TAP2: variants seen among roughly 807,000 people sequenced by gnomAD.
TAP2 encodes the protein antigen peptide transporter 2.
Under a neutral mutation model 74.7 loss-of-function variants are expected in TAP2, and 49 were observed. The observed-to-expected ratio is 0.66, with a 90% CI of 0.52 to 0.83. The LOEUF is 0.83. TAP2 is among the 40% of genes least tolerant of loss of function. TAP2 has a pLI of 0.00. For synonymous variants in TAP2, 306 were observed against 368.4 expected, an observed-to-expected ratio of 0.83 and a Z score of 1.94; for missense variants, 739 against 859.0, an observed-to-expected ratio of 0.86 and a Z score of 1.75.
chr6:32,828,618 C>T lies in TAP2; in HGVS notation c.*288G>A, dbSNP rs1344071667. 4 of 1,142,126 alleles carry T rather than the reference C, an allele frequency of 3.5e-6. No homozygotes were observed. Among genetic ancestry groups the T allele is most frequent in the Non-Finnish European group, 4.3e-6 (4 of 927,420 alleles). The allele number at this position is 1,142,126 out of a possible 1,614,324, so 70.7% of individuals were successfully genotyped here. A position where few individuals can be genotyped will look rare whatever the true frequency, so the allele number is the denominator to read the frequency against. On this transcript the variant is annotated 3_prime_UTR_variant, in exon 12 of 12. Transcript: ENST00000374897. ...TATATGTATTATGCCACAAAATACT[C>T]CTCATCACCAGGCAAAGCTCTAGTC...
At chr6:32,836,099 G>A (rs9500917) in intron 3 of TAP2, among the ~76,000 whole-genome samples, 1,630 of 152,288 alleles carry the variant, frequency 0.011, 28 homozygotes, top group African/African-American at 0.03. Context: ...GTGAAAACAA[G>A]TATCCCAGTG....
downstream of TAP2, chr6:32,822,380 A>G: frequency 9.2e-7 from 1 of 1,090,234 alleles, no homozygotes. Context: ...TCTGTGCTAG[A>G]ATCTGTTTGC....
intron 10 of TAP2, 112 bp downstream of exon 10, chr6:32,829,818 G>C: frequency 7.1e-7 from 1 of 1,410,486 alleles, no homozygotes; most frequent in Non-Finnish European, 1.0e-6. Flanking sequence ...ATGGAGGAAA[G>C]GGCAGAGGAA....
In TAP2 at chr6:32,828,675, G is replaced by GCCTCCACCCCCCCCCCCCCCCC; in HGVS notation, c.*230_*231insGGGGGGGGGGGGGGGGTGGAGG. Reference sequence around the variant, plus strand: ...GAATTAAGTTTCCTGGACACAGACAGCCCCCACCCCACCCCACCCCACCTC... The same window carrying GCCTCCACCCCCCCCCCCCCCCC: ...GAATTAAGTTTCCTGGACACAGACAGCCTCCACCCCCCCCCCCCCCCCCCCCCACCCCACCCCACCCCACCTC... On this transcript the variant is annotated 3_prime_UTR_variant, in exon 12 of 12. Coordinates refer to ENST00000374897, the MANE Select transcript of TAP2 (RefSeq NM_001290043.2). The GCCTCCACCCCCCCCCCCCCCCC allele has an allele frequency of 1.1e-6, 1 of 884,284 alleles. No individual in the cohort carries two copies. Among genetic ancestry groups the GCCTCCACCCCCCCCCCCCCCCC allele is most frequent in the Non-Finnish European group, 1.4e-6 (1 of 735,244 alleles). The allele number at this position is 884,284 out of a possible 1,614,324, so 54.8% of individuals were successfully genotyped here. A position where few individuals can be genotyped will look rare whatever the true frequency, so the allele number is the denominator to read the frequency against.
chr6:32,832,675 C>G lies in TAP2; in HGVS notation c.1095G>C (p.Leu365=). 2 of 1,613,124 alleles carry G rather than the reference C, an allele frequency of 1.2e-6. No individual in the cohort carries two copies. Among genetic ancestry groups the G allele is most frequent in the Non-Finnish European group, 1.7e-6 (2 of 1,180,040 alleles). Residue 365 remains leucine, a synonymous_variant, in exon 6 of 12, where the codon CTG becomes CTC. Coordinates refer to ENST00000374897, the MANE Select transcript of TAP2 (RefSeq NM_001290043.2). The surrounding 1 kb of genome is among the most constrained non-coding windows in gnomAD (Gnocchi z 5.9). ...CGCGTTCCAGGTCTCTCCGCCAATACAGCTGCCGACATTGTTCAAGGGCCT... is the reference window on the plus strand; with the variant it reads ...CGCGTTCCAGGTCTCTCCGCCAATAGAGCTGCCGACATTGTTCAAGGGCCT... The part of the protein sequence containing the change: ...YKEALEQCRQ[L]YWRRDLERAL...
chr6:32,836,302 C>T (rs1282597942), intron 3 of TAP2, among the ~76,000 whole-genome samples: 1 of 152,152 alleles, frequency 6.6e-6, no homozygotes, highest in African/African-American at 2.4e-5. Context: ...TTTCATCCTT[C>T]GAGTTGGAAA....
At chr6:32,830,887 C>G in intron 7 of TAP2, 81 bp from the exon 8 acceptor site, 1 of 1,163,490 alleles carries the variant, frequency 8.6e-7, no homozygotes. Flanking sequence ...ACACACTCCA[C>G]TCACAACTGC....
rs915202729 is a variant in TAP2 at position 32,826,619 on chromosome 6, G to A, written c.*2287C>T. The stretch of plus-strand genomic sequence containing the variant: ...TAAAGCCTACCTGGGAGTTTCCCCT[G>A]AGATAAGAAACTTTCAGGACATCTT... On this transcript the variant is annotated 3_prime_UTR_variant, in exon 12 of 12. Coordinates refer to ENST00000374897, the MANE Select transcript of TAP2 (RefSeq NM_001290043.2). 6.1e-6 allele frequency: 6 copies of A among 985,384 alleles called. No individual in the cohort carries two copies. The highest frequency in any genetic ancestry group is 7.2e-6 in the Non-Finnish European group (6 of 829,924). The allele number at this position is 985,384 out of a possible 1,614,324, so 61.0% of individuals were successfully genotyped here.
chr6:32,822,053 T>C (rs1341431169), downstream of TAP2: 10 of 537,084 alleles, frequency 1.9e-5, no homozygotes, highest in Non-Finnish European at 1.3e-5. Flanking sequence ...CTAGTGAGAA[T>C]CCATTTGGAA....
Position 32,828,770 on chromosome 6 carries a change from C to T in TAP2, c.*136G>A, listed in dbSNP as rs556799756. ...TGCAACTCAGGAACAGCTATCTGGC[C>T]GCACAGCTCTAGGGAAACTCAAAGC... On this transcript the variant is annotated 3_prime_UTR_variant, in exon 12 of 12. Coordinates refer to ENST00000374897, the MANE Select transcript of TAP2 (RefSeq NM_001290043.2). 1.8e-5 allele frequency: 22 copies of T among 1,234,054 alleles called. No individual in the cohort carries two copies. The highest frequency in any genetic ancestry group is 3.3e-5 in the Admixed American group (1 of 30,634). 76.4% of individuals were successfully genotyped at this position (1,234,054 alleles called of 1,614,324 possible). A position where few individuals can be genotyped will look rare whatever the true frequency, so the allele number is the denominator to read the frequency against.
downstream of TAP2, among the ~76,000 whole-genome samples, chr6:32,823,609 G>A (rs925996191): frequency 6.6e-6 from 1 of 151,450 alleles, no homozygotes; most frequent in African/African-American, 2.4e-5. Context: ...GGTGTCTTTT[G>A]CATATTGCAA....
At chr6:32,831,243 G>A (rs1262527931) in intron 7 of TAP2, among the ~76,000 whole-genome samples, 1 of 152,222 alleles carries the variant, frequency 6.6e-6, no homozygotes, top group African/African-American at 2.4e-5. Context: ...CCTGGATGAA[G>A]TAGCTGTTTT....
rs1389086420 is a variant in TAP2, at chr6:32,829,980, G to A, written c.1745C>T (p.Ala582Val). The change falls in exon 10 of 12, where the codon GCT (alanine) becomes GTT (valine). Residue 582 changes from alanine (A) to valine (V), a missense_variant. Physicochemically the swap from Ala to Val is moderately conservative, Grantham distance 64 (BLOSUM62 0). Transcript: ENST00000374897. ...CTGGATGAAGTCATCTGCGTGGGCA[G>A]CCTGGGCAGCCGCCATCACCTTATC... ...EDDKVMAAAQ[A>V]AHADDFIQEM... The A allele has an allele frequency of 6.2e-7, 1 of 1,613,092 alleles. No individual in the cohort carries two copies. The highest frequency in any genetic ancestry group is 8.5e-7 in the Non-Finnish European group (1 of 1,180,018).
intron 11 of TAP2, 88 bp downstream of exon 11, chr6:32,829,312 T>A (rs938557305): frequency 1.2e-5 from 19 of 1,540,502 alleles, no homozygotes; most frequent in Non-Finnish European, 1.7e-5. Flanking sequence ...AGGTCCTTCG[T>A]CCTCCCTCTG....
At chr6:32,837,432 AT>A in intron 3 of TAP2, 104 bp downstream of exon 3, 1 of 874,536 alleles carries the variant, frequency 1.1e-6, no homozygotes, top group Non-Finnish European at 1.9e-6. Flanking sequence ...TAGTTTAAGT[AT>A]TTTTGTGTTT....
In TAP2 at chr6:32,835,953, C is replaced by T. The variant is rs1392108782; in HGVS notation, c.609-180G>A. 1.3e-5 allele frequency among the ~76,000 whole-genome samples: 2 copies of T among 151,818 alleles called. No individual in the cohort carries two copies. Among genetic ancestry groups the T allele is most frequent in the African/African-American group, 4.8e-5 (2 of 41,282 alleles). On this transcript the variant is annotated intron_variant, in intron 3 of 11. Transcript: ENST00000374897. The surrounding 1 kb of genome is among the most constrained non-coding windows in gnomAD (Gnocchi z 4.0). ...AGAGAGAGAAGAGGTAAGGAATACA[C>T]AGAGGAAGAAGAAAGAGGAGACATG...
In TAP2 at chr6:32,835,147, C is replaced by T. The variant is rs779147813; in HGVS notation, c.945+7G>A. On this transcript the variant is annotated splice_region_variant and intron_variant, in intron 5 of 11. Coordinates refer to ENST00000374897, the MANE Select transcript of TAP2 (RefSeq NM_001290043.2). This position sits in a 1 kb window ranked among gnomAD's most constrained non-coding sequence, Gnocchi z 4.0. ...TCCCTTTGGGGTTCCCTTACATGCACGCTCACCTGATGGCGGGTGTTGTAC... is the reference window on the plus strand; with the variant it reads ...TCCCTTTGGGGTTCCCTTACATGCATGCTCACCTGATGGCGGGTGTTGTAC... The T allele has an allele frequency of 8.2e-5, 132 of 1,612,074 alleles. No homozygotes were observed. Among genetic ancestry groups the T allele is most frequent in the Non-Finnish European group, 1.1e-4 (125 of 1,179,988 alleles).
chr6:32,822,759 G>A (rs1353639349), downstream of TAP2, among the ~76,000 whole-genome samples: 1 of 152,038 alleles, frequency 6.6e-6, no homozygotes, highest in African/African-American at 2.4e-5. Context: ...TTGAGCTCCT[G>A]AGTTCAAGCA....
chr6:32,835,023 CA>C lies in TAP2; in HGVS notation c.945+130del, dbSNP rs1769317682. ...GACAAACAAAATGTAGTATATACTACAATATACCTTCTCCCCTAATGGCTGA... is the reference window on the plus strand; with the variant it reads ...GACAAACAAAATGTAGTATATACTACATATACCTTCTCCCCTAATGGCTGA... On this transcript the variant is annotated intron_variant, in intron 5 of 11. Coordinates refer to ENST00000374897, the MANE Select transcript of TAP2 (RefSeq NM_001290043.2). The surrounding 1 kb of genome is among the most constrained non-coding windows in gnomAD (Gnocchi z 4.0). 1.1e-6 allele frequency: 1 copy of C among 934,854 alleles called. No individual in the cohort carries two copies. Among genetic ancestry groups the C allele is most frequent in the Non-Finnish European group, 1.7e-6 (1 of 589,736 alleles). 57.9% of individuals were successfully genotyped at this position (934,854 alleles called of 1,614,324 possible).
Sources: gnomAD v4.1 joint callset for allele counts (sites outside exome capture counted in the v4.1 genomes callset) on GRCh38, gnomAD v4.1.1 for gene constraint, Gnocchi (gnomAD v3.1) non-coding constraint, MANE v1.5 for transcripts, NCBI Gene and HGNC (gene_info 2026-07-23, HGNC 2026-07-21) for gene names.